RP1: variants seen among roughly 807,000 people sequenced by gnomAD.
RP1 encodes oxygen-regulated protein 1.
Under a neutral mutation model 14.8 loss-of-function variants are expected in RP1, and 16 were observed. The observed-to-expected ratio is 1.08, with a 90% CI of 0.73 to 1.65. RP1 has a LOEUF of 1.65. RP1 is among the 40% of genes most tolerant of loss of function. The pLI is 0.00. For synonymous variants in RP1, 876 were observed against 883.6 expected, an observed-to-expected ratio of 0.99 and a Z score of 0.15; for missense variants, 2,631 against 2,535.0, an observed-to-expected ratio of 1.04 and a Z score of -0.81.
intron 25 of RP1, among the ~76,000 whole-genome samples, chr8:54,850,356 T>C (rs1812032164): frequency 6.6e-6 from 1 of 152,210 alleles, no homozygotes; most frequent in African/African-American, 2.4e-5. Flanking sequence ...TTCTAGCTAA[T>C]TTTAAGTTCT....
At chr8:54,574,239 T>C (rs1015490468) in intron 1 of RP1, among the ~76,000 whole-genome samples, 5 of 152,118 alleles carry the variant, frequency 3.3e-5, no homozygotes, top group African/African-American at 1.2e-4. Context: ...GTACATATCA[T>C]GATAACAGGG....
intron 24 of RP1, among the ~76,000 whole-genome samples, chr8:54,823,438 C>A (rs1189339441): frequency 1.3e-5 from 2 of 152,126 alleles, no homozygotes; most frequent in Non-Finnish European, 2.9e-5. Flanking sequence ...TTAAGCAATT[C>A]TTGTGCCTCA....
intron 3 of RP1, among the ~76,000 whole-genome samples, chr8:54,638,880 T>TTCTCTCTCTCTC (rs56712955): frequency 2.9e-4 from 35 of 120,202 alleles, no homozygotes; most frequent in African/African-American, 1.2e-3. Context: ...TTTAATTTTC[T>TTCTCTCTCTCTC]TCTCTCTCTC....
intron 22 of RP1, among the ~76,000 whole-genome samples, chr8:54,762,361 A>G (rs77623862): frequency 0.037 from 5,704 of 152,160 alleles, 238 homozygotes; most frequent in African/African-American, 0.094. Flanking sequence ...GACTGCTTGT[A>G]TGCATCACAG....
chr8:54,715,159 T>A (rs2129348234), intron 15 of RP1, among the ~76,000 whole-genome samples: 1 of 152,376 alleles, frequency 6.6e-6, no homozygotes, highest in East Asian at 1.9e-4. Flanking sequence ...TAGGAGTTGT[T>A]CTACTGCAAC....
intron 12 of RP1, among the ~76,000 whole-genome samples, chr8:54,693,952 G>A (rs1807787117): frequency 1.3e-5 from 2 of 151,984 alleles, no homozygotes; most frequent in African/African-American, 4.8e-5. Context: ...ATTGGGTGTG[G>A]GTTTGTCATA....
intron 19 of RP1, among the ~76,000 whole-genome samples, chr8:54,739,941 C>A (rs1034178533): frequency 6.6e-6 from 1 of 151,542 alleles, no homozygotes; most frequent in Non-Finnish European, 1.5e-5. Context: ...GTAAACAAAC[C>A]TACTGTGCTG....
intron 24 of RP1, among the ~76,000 whole-genome samples, chr8:54,835,989 G>C (rs561907884): frequency 6.6e-6 from 1 of 152,210 alleles, no homozygotes; most frequent in African/African-American, 2.4e-5. Flanking sequence ...TAATAGGAGG[G>C]GGACCAGCTA....
At chr8:54,603,854 T>C (rs1310581581) in intron 1 of RP1, among the ~76,000 whole-genome samples, 1 of 152,194 alleles carries the variant, frequency 6.6e-6, no homozygotes, top group Non-Finnish European at 1.5e-5. Flanking sequence ...GTTATTGGTG[T>C]ATAAGAATGC....
intron 24 of RP1, among the ~76,000 whole-genome samples, chr8:54,802,941 A>AAT (rs1563380802): frequency 6.6e-6 from 1 of 152,156 alleles, no homozygotes; most frequent in Admixed American, 6.5e-5. Context: ...TGTGTGTTCT[A>AAT]TAGAAGCAAG....
rs545854519 is a variant in RP1 at position 54,828,305 on chromosome 8, G to T, written c.3616-9145G>T. On this transcript the variant is annotated intron_variant, in intron 24 of 28. Coordinates refer to the RP1 transcript ENST00000637698. Reference sequence around the variant, plus strand: ...CTCCTGTTGAAATCTGACCCCCAGGGTTGGAGATGGGGCCTGTGAGAGGTC... The same window carrying T: ...CTCCTGTTGAAATCTGACCCCCAGGTTTGGAGATGGGGCCTGTGAGAGGTC... Among the ~76,000 whole-genome samples, 14 of 152,320 alleles carry T rather than the reference G, an allele frequency of 9.2e-5. No homozygotes were observed. The South Asian group carries it at 2.9e-3, about 32-fold the overall frequency.
intron 1 of RP1, among the ~76,000 whole-genome samples, chr8:54,575,774 C>T (rs74458553): frequency 0.036 from 5,503 of 152,146 alleles, 145 homozygotes; most frequent in Non-Finnish European, 0.058. Context: ...TTTTCTGTTC[C>T]TCTCCCTCCT....
At chr8:54,752,268 C>T (rs1809390925) in intron 19 of RP1, among the ~76,000 whole-genome samples, 1 of 152,118 alleles carries the variant, frequency 6.6e-6, no homozygotes, top group Non-Finnish European at 1.5e-5. Flanking sequence ...GTGAGCTATA[C>T]ATAAATGTAA....
chr8:54,663,616 T>C (rs940737625), intron 6 of RP1: 1 of 1,301,028 alleles, frequency 7.7e-7, no homozygotes, highest in Non-Finnish European at 9.9e-7. Context: ...TTTTCCACCA[T>C]GGATAAGAGG....
At position 54,856,501 on chromosome 8, in the gene RP1, G is replaced by T. The variant is rs141107959; in HGVS notation, c.3991-527G>T. Among the ~76,000 whole-genome samples, 97 of 152,290 alleles carry T rather than the reference G, an allele frequency of 6.4e-4. 1 individual carries two copies. In the East Asian group the frequency reaches 0.018, roughly 28 times the overall value. ...TATTTAAAAGTAAAAGATATTAAGA[G>T]ACAGAACAATGTGGAAAACACCAAT... On this transcript the variant is annotated intron_variant, in intron 26 of 28. Coordinates refer to the RP1 transcript ENST00000637698.
chr8:54,675,603 T>C (rs371519526), intron 8 of RP1, among the ~76,000 whole-genome samples: 78 of 152,306 alleles, frequency 5.1e-4, no homozygotes, highest in African/African-American at 1.8e-3. Context: ...ACAAGCCACA[T>C]TCTCTGACTA....
intron 5 of RP1, chr8:54,652,993 G>A: frequency 1.6e-6 from 1 of 607,750 alleles, no homozygotes; most frequent in Non-Finnish European, 2.9e-6. Flanking sequence ...CTTTCTTCAA[G>A]GCAGAAGTAT....
intron 7 of RP1, among the ~76,000 whole-genome samples, chr8:54,668,942 C>T (rs1807080074): frequency 6.6e-6 from 1 of 152,044 alleles, no homozygotes; most frequent in African/African-American, 2.4e-5. Context: ...AAAACCTAGG[C>T]AATACTATTC....
chr8:54,851,128 T>C (rs1425636672), intron 25 of RP1, among the ~76,000 whole-genome samples: 2 of 152,134 alleles, frequency 1.3e-5, no homozygotes, highest in Non-Finnish European at 2.9e-5. Flanking sequence ...ACCTAATCAA[T>C]TGGAGCAGCT....
Sources: allele counts gnomAD v4.1 joint callset (sites outside exome capture counted in the v4.1 genomes callset), GRCh38; gene constraint gnomAD v4.1.1; transcripts MANE v1.5; gene names NCBI Gene and HGNC (gene_info 2026-07-23, HGNC 2026-07-21).